Variants in NCAM1 observed in about 807,000 individuals in gnomAD.
NCAM1 encodes the protein neural cell adhesion molecule 1, also known as antigen recognized by monoclonal antibody 5.1H11.
A neutral mutation model predicts 109.8 loss-of-function variants in NCAM1; 14 were observed. The observed-to-expected ratio is 0.13, with a 90% CI of 0.08 to 0.20. The LOEUF is 0.20. Ranked by LOEUF, NCAM1 falls within the 10% of genes least tolerant of loss-of-function variation. NCAM1 has a pLI of 1.00. For synonymous variants in NCAM1, 418 were observed against 442.9 expected (o/e 0.94, Z 0.70); for missense variants, 774 against 1,109.9 (o/e 0.70, Z 4.30).
intron 6 of NCAM1, 110 bp downstream of exon 6, chr11:113,207,488 T>C (rs571985408): frequency 2.4e-6 from 2 of 834,104 alleles, no homozygotes; most frequent in South Asian, 3.4e-5. Context: ...CTTAGGAATA[T>C]TAACCCCAGG....
intron 1 of NCAM1, among the ~76,000 whole-genome samples, chr11:113,063,051 A>G (rs1937750722): frequency 6.6e-6 from 1 of 152,220 alleles, no homozygotes; most frequent in Non-Finnish European, 1.5e-5. Context: ...AAAGGCCCCA[A>G]TGTCATAAAG....
At chr11:113,160,603 T>A (rs1408625929) in intron 1 of NCAM1, among the ~76,000 whole-genome samples, 1 of 152,202 alleles carries the variant, frequency 6.6e-6, no homozygotes, top group Non-Finnish European at 1.5e-5. Flanking sequence ...CAGCAGCCAA[T>A]ACAAAGCCTC....
intron 1 of NCAM1, among the ~76,000 whole-genome samples, chr11:112,999,243 C>T (rs986166820): frequency 2.0e-5 from 3 of 152,156 alleles, no homozygotes; most frequent in Admixed American, 6.5e-5. Flanking sequence ...AAGACCTTCA[C>T]TCCTCTAAGT....
intron 1 of NCAM1, among the ~76,000 whole-genome samples, chr11:113,094,575 G>A (rs531676052): frequency 1.1e-4 from 16 of 152,254 alleles, no homozygotes; most frequent in Non-Finnish European, 1.5e-4. Flanking sequence ...CTGGCAAAAG[G>A]CTTATTGAGG....
chr11:112,982,175 A>G (rs1309485640), intron 1 of NCAM1, among the ~76,000 whole-genome samples: 6 of 152,010 alleles, frequency 3.9e-5, no homozygotes, highest in African/African-American at 1.4e-4. Flanking sequence ...TCTTGCACAT[A>G]GGTGCAAGTT....
intron 19 of NCAM1, among the ~76,000 whole-genome samples, chr11:113,272,781 C>T (rs1946310330): frequency 6.6e-6 from 1 of 152,126 alleles, no homozygotes; most frequent in African/African-American, 2.4e-5. Flanking sequence ...CTCTCAGCAT[C>T]CTTCTCTCTC....
chr11:113,181,379 G>C (rs552942167), intron 1 of NCAM1, among the ~76,000 whole-genome samples: 3 of 152,196 alleles, frequency 2.0e-5, no homozygotes, highest in Admixed American at 6.5e-5. Flanking sequence ...TTGAGTGTCA[G>C]TAGGCTAACA....
intron 1 of NCAM1, among the ~76,000 whole-genome samples, chr11:113,119,515 A>G (rs771473824): frequency 5.3e-5 from 8 of 152,178 alleles, no homozygotes; most frequent in Non-Finnish European, 7.3e-5. Flanking sequence ...CAGTGCCCCT[A>G]GACCCTGGGA....
intron 1 of NCAM1, among the ~76,000 whole-genome samples, chr11:113,078,768 G>A (rs781885570): frequency 3.3e-5 from 5 of 152,126 alleles, no homozygotes; most frequent in Non-Finnish European, 7.3e-5. Context: ...AATCACAGCT[G>A]ACTTGAGCCC....
At chr11:113,136,886 G>A (rs782516709) in intron 1 of NCAM1, among the ~76,000 whole-genome samples, 6 of 152,186 alleles carry the variant, frequency 3.9e-5, no homozygotes, top group Admixed American at 6.5e-5. Context: ...GTGGAATGGC[G>A]CTGTGGGCGT....
intron 1 of NCAM1, among the ~76,000 whole-genome samples, chr11:113,198,402 T>G (rs1468394055): frequency 3.3e-5 from 5 of 151,758 alleles, no homozygotes; most frequent in Non-Finnish European, 7.4e-5. Context: ...GATGGAGTCT[T>G]GCTCTGTCGC....
At chr11:113,019,645 A>T (rs1952325096) in intron 1 of NCAM1, among the ~76,000 whole-genome samples, 1 of 152,206 alleles carries the variant, frequency 6.6e-6, no homozygotes, top group Admixed American at 6.5e-5. Flanking sequence ...CTAATAACAT[A>T]TGTATGTGTG....
intron 1 of NCAM1, among the ~76,000 whole-genome samples, chr11:113,012,007 C>CCTTCCTTG (rs1243482059): frequency 2.2e-5 from 3 of 136,760 alleles, no homozygotes; most frequent in African/African-American, 7.6e-5. Context: ...TTCCTTCCTT[C>CCTTCCTTG]CTTCCTTTCT....
chr11:113,090,398 A>G (rs1939287276), intron 1 of NCAM1, among the ~76,000 whole-genome samples: 1 of 152,238 alleles, frequency 6.6e-6, no homozygotes, highest in Non-Finnish European at 1.5e-5. Flanking sequence ...ATGGAAAAGA[A>G]GATTTAGAAC....
chr11:113,029,891 C>G (rs1040889408), intron 1 of NCAM1, among the ~76,000 whole-genome samples: 7 of 152,140 alleles, frequency 4.6e-5, no homozygotes, highest in African/African-American at 1.7e-4. Flanking sequence ...TGGGCCTTGG[C>G]ATTTTCTAGG....
At chr11:113,125,324 T>A (rs1006816820) in intron 1 of NCAM1, among the ~76,000 whole-genome samples, 2 of 152,214 alleles carry the variant, frequency 1.3e-5, no homozygotes, top group African/African-American at 4.8e-5. Context: ...ATTGCAGCAG[T>A]ATCTTAGAAA....
chr11:113,071,923 C>T (rs528304846), intron 1 of NCAM1, among the ~76,000 whole-genome samples: 23 of 152,112 alleles, frequency 1.5e-4, no homozygotes, highest in African/African-American at 5.1e-4. Flanking sequence ...AGCAGGTGGA[C>T]GATTTGAGGT....
At chr11:113,070,136 T>C (rs60379812) in intron 1 of NCAM1, among the ~76,000 whole-genome samples, 1 of 152,130 alleles carries the variant, frequency 6.6e-6, no homozygotes, top group Non-Finnish European at 1.5e-5. Flanking sequence ...AGGATAAGCC[T>C]AGTGTCATTG....
chr11:112,966,807 C>G (rs1205521675), intron 1 of NCAM1, among the ~76,000 whole-genome samples: 2 of 152,220 alleles, frequency 1.3e-5, no homozygotes, highest in Non-Finnish European at 2.9e-5. Context: ...TTAAAACATG[C>G]TCAGGCCATG....
Sources: allele counts gnomAD v4.1 joint callset (sites outside exome capture counted in the v4.1 genomes callset), GRCh38; gene constraint gnomAD v4.1.1; transcripts MANE v1.5; gene names NCBI Gene and HGNC (gene_info 2026-07-23, HGNC 2026-07-21).